Variants in XKR9 observed in about 807,000 individuals in gnomAD.
XKR9 encodes the protein XK-related protein 9.
XKR9 carries 32 observed loss-of-function variants against 32.0 expected under a neutral mutation model. The ratio of observed to expected loss-of-function variants is 1.00; its 90% CI spans 0.76 to 1.34. XKR9 has a LOEUF of 1.34. XKR9 is among the 40% of genes most tolerant of loss of function. The pLI is 0.00. For synonymous variants in XKR9, 168 were observed against 143.4 expected, an observed-to-expected ratio of 1.17 and a Z score of -1.22; for missense variants, 546 against 429.7, an observed-to-expected ratio of 1.27 and a Z score of -2.39.
chr8:70,948,598 C>T, the XKR9 span, among the ~76,000 whole-genome samples: 1 of 152,160 alleles, frequency 6.6e-6, no homozygotes, highest in Non-Finnish European at 1.5e-5. Context: ...CTATACAATA[C>T]CCACTCTTTG....
At chr8:70,919,625 A>G in the XKR9 span, among the ~76,000 whole-genome samples, 3 of 152,096 alleles carry the variant, frequency 2.0e-5, no homozygotes, top group Admixed American at 6.5e-5. Flanking sequence ...ATTTCTCTAG[A>G]AGTCTTTTCT....
chr8:70,950,223 G>A, the XKR9 span, among the ~76,000 whole-genome samples: 1 of 152,104 alleles, frequency 6.6e-6, no homozygotes, highest in Non-Finnish European at 1.5e-5. Flanking sequence ...ACTTGGTGGG[G>A]GAAGACAGAC....
the XKR9 span, among the ~76,000 whole-genome samples, chr8:70,920,426 TTTG>T: frequency 6.6e-6 from 1 of 152,304 alleles, no homozygotes. Context: ...TCATTACGAT[TTTG>T]TTAAGTAAAC....
intron 4 of XKR9, among the ~76,000 whole-genome samples, chr8:70,714,664 G>A (rs1296942773): frequency 6.6e-6 from 1 of 151,960 alleles, no homozygotes; most frequent in Non-Finnish European, 1.5e-5. Flanking sequence ...ATGTGCCATA[G>A]GATTTTTTGG....
At chr8:70,712,049 T>A (rs535039688) in intron 4 of XKR9, among the ~76,000 whole-genome samples, 112 of 152,328 alleles carry the variant, frequency 7.4e-4, no homozygotes, top group Middle Eastern at 3.4e-3. Flanking sequence ...ATTCTTTTAT[T>A]TCTGCTCCTT....
chr8:70,875,722 T>C, the XKR9 span, among the ~76,000 whole-genome samples: 1 of 152,196 alleles, frequency 6.6e-6, no homozygotes. Context: ...TTGGAATTAT[T>C]AAATGAAGTT....
the XKR9 span, among the ~76,000 whole-genome samples, chr8:71,040,170 C>T: frequency 2.6e-5 from 4 of 152,206 alleles, no homozygotes; most frequent in African/African-American, 9.6e-5. Context: ...CAGATATTAT[C>T]TTTATTTTTC....
intron 2 of XKR9, among the ~76,000 whole-genome samples, chr8:70,767,592 G>T (rs1462295821): frequency 6.9e-6 from 1 of 145,292 alleles, no homozygotes; most frequent in Non-Finnish European, 1.5e-5. Flanking sequence ...TGCCTCCTGG[G>T]TTCACGTCAT....
chr8:71,036,870 C>CAT, the XKR9 span, among the ~76,000 whole-genome samples: 2 of 135,414 alleles, frequency 1.5e-5, no homozygotes, highest in Non-Finnish European at 1.6e-5. Flanking sequence ...GAGATTGCAC[C>CAT]TTTTTTTTTT....
chr8:70,724,161 T>C (rs1179286386), intron 4 of XKR9, among the ~76,000 whole-genome samples: 1 of 152,154 alleles, frequency 6.6e-6, no homozygotes, highest in Non-Finnish European at 1.5e-5. Context: ...CAGTCTGAAC[T>C]TCTGGGCTTC....
At chr8:70,812,399 T>C in the XKR9 span, among the ~76,000 whole-genome samples, 2 of 152,206 alleles carry the variant, frequency 1.3e-5, no homozygotes, top group African/African-American at 2.4e-5. Flanking sequence ...GGATGCCCTC[T>C]CTCACCACTC....
the XKR9 span, among the ~76,000 whole-genome samples, chr8:70,941,720 G>A: frequency 7.2e-5 from 11 of 152,092 alleles, no homozygotes; most frequent in African/African-American, 2.7e-4. Flanking sequence ...CAAATTATGG[G>A]AGTAATTATA....
chr8:70,805,398 AG>A, the XKR9 span, among the ~76,000 whole-genome samples: 22 of 152,010 alleles, frequency 1.4e-4, no homozygotes, highest in Non-Finnish European at 2.8e-4. Context: ...TCCCGGGGGG[AG>A]GGGTGACCAG....
intron 2 of XKR9, among the ~76,000 whole-genome samples, chr8:70,771,040 G>A (rs1233663981): frequency 4.6e-5 from 7 of 152,196 alleles, no homozygotes; most frequent in Non-Finnish European, 4.4e-5. Context: ...GGCCCTGGTG[G>A]TGTAGGCACC....
the XKR9 span, among the ~76,000 whole-genome samples, chr8:70,843,096 C>T: frequency 2.0e-5 from 3 of 152,136 alleles, no homozygotes; most frequent in Admixed American, 2.0e-4. Context: ...TTAAAATCTA[C>T]CTTAAAAATT....
intron 4 of XKR9, among the ~76,000 whole-genome samples, chr8:70,714,716 C>T (rs951201432): frequency 2.0e-5 from 3 of 151,890 alleles, no homozygotes; most frequent in African/African-American, 7.3e-5. Context: ...AATTTTAACT[C>T]GCGTTTGAAT....
At chr8:70,809,675 A>T in the XKR9 span, among the ~76,000 whole-genome samples, 2 of 152,258 alleles carry the variant, frequency 1.3e-5, no homozygotes, top group African/African-American at 4.8e-5. Context: ...GATTCGATCA[A>T]CTGGAAGAAA....
chr8:70,831,778 T>C, the XKR9 span, among the ~76,000 whole-genome samples: 2 of 152,342 alleles, frequency 1.3e-5, no homozygotes, highest in African/African-American at 4.8e-5. Context: ...ATTATTATCT[T>C]ATTCATTTTT....
intron 2 of XKR9, among the ~76,000 whole-genome samples, chr8:70,748,787 T>A (rs1807093986): frequency 6.6e-6 from 1 of 152,208 alleles, no homozygotes; most frequent in African/African-American, 2.4e-5. Context: ...TGGTGCTTTT[T>A]CCAGGCTTGC....
Sources: gnomAD v4.1 joint callset for allele counts (sites outside exome capture counted in the v4.1 genomes callset) on GRCh38, gnomAD v4.1.1 for gene constraint, MANE v1.5 for transcripts, NCBI Gene and HGNC (gene_info 2026-07-23, HGNC 2026-07-21) for gene names.